The following SLC8A2 variants were observed in gnomAD, a reference collection of about 807,000 sequenced individuals.
SLC8A2 encodes the protein solute carrier family 8 member A2, also known as sodium/calcium exchanger 2.
Under a neutral mutation model 70.2 loss-of-function variants are expected in SLC8A2, and 14 were observed. That is an observed-to-expected ratio of 0.20 (90% CI 0.13 to 0.31). SLC8A2 has a LOEUF of 0.31. Ranked by LOEUF, SLC8A2 falls within the 10% of genes least tolerant of loss-of-function variation. SLC8A2 has a pLI of 1.00. For missense variants in SLC8A2, 779 were observed against 1,320.1 expected, an observed-to-expected ratio of 0.59 and a Z score of 6.35; for synonymous variants, 575 against 594.3, an observed-to-expected ratio of 0.97 and a Z score of 0.47.
At position 47,457,324 on chromosome 19, in the gene SLC8A2, T is replaced by A; in HGVS notation, c.946A>T (p.Ile316Phe). The change falls in exon 3 of 10, where the codon ATC becomes TTC. Residue 316 changes from isoleucine to phenylalanine, a missense_variant. Around this residue, in one of 6 missense-constraint regions of SLC8A2, gnomAD observed 186 missense variants for 246.6 expected, o/e 0.75. Coordinates refer to ENST00000236877, the MANE Select transcript of SLC8A2 (RefSeq NM_015063.3). The part of the protein sequence containing the change: ...RELDASRREV[I>F]QILKDLKQKH... Reference sequence around the variant, plus strand: ...TGCTTGAGGTCCTTGAGGATCTGGATGACCTCGCGGCGGCTGGCGTCCAGC... The same window carrying A: ...TGCTTGAGGTCCTTGAGGATCTGGAAGACCTCGCGGCGGCTGGCGTCCAGC... The A allele has an allele frequency of 6.5e-7, 1 of 1,543,600 alleles. No homozygotes were observed. Among genetic ancestry groups the A allele is most frequent in the Non-Finnish European group, 8.7e-7 (1 of 1,144,596 alleles).
intron 1 of SLC8A2, among the ~76,000 whole-genome samples, chr19:47,471,394 G>A (rs1967537511): frequency 6.6e-6 from 1 of 151,934 alleles, no homozygotes; most frequent in Non-Finnish European, 1.5e-5. Flanking sequence ...GAGAGACAGG[G>A]ACTCCCAGAG....
chr19:47,447,657 G>T lies in SLC8A2; in HGVS notation c.1763+152C>A. 1.0e-5 allele frequency: 8 copies of T among 762,902 alleles called. No individual in the cohort carries two copies. Among genetic ancestry groups the T allele is most frequent in the Non-Finnish European group, 1.6e-5 (8 of 506,254 alleles). 47.3% of individuals were successfully genotyped at this position (762,902 alleles called of 1,614,324 possible). Reference sequence around the variant, plus strand: ...GGTCACAGGCCCCGCCCACGTTGCGGGCACGGCCACGCAGGCCCCTCCCCT... The same window carrying T: ...GGTCACAGGCCCCGCCCACGTTGCGTGCACGGCCACGCAGGCCCCTCCCCT... On this transcript the variant is annotated intron_variant, in intron 4 of 9. Transcript: ENST00000236877. The surrounding 1 kb of genome is among the most constrained non-coding windows in gnomAD (Gnocchi z 5.1).
Position 47,430,563 on chromosome 19 carries a change from T to A in SLC8A2, c.2390-98A>T. Reference sequence around the variant, plus strand: ...CTCCCAGCCTTTCCCGGTCGCCTGCTTTCTGCGGGCAGTGTGGGCTCAAGA... The same window carrying A: ...CTCCCAGCCTTTCCCGGTCGCCTGCATTCTGCGGGCAGTGTGGGCTCAAGA... On this transcript the variant is annotated intron_variant, in intron 9 of 9. Coordinates refer to ENST00000236877, the MANE Select transcript of SLC8A2 (RefSeq NM_015063.3). This position sits in a 1 kb window ranked among gnomAD's most constrained non-coding sequence, Gnocchi z 5.9. 1 of 1,328,810 alleles carries A rather than the reference T, an allele frequency of 7.5e-7. No individual in the cohort carries two copies. Among genetic ancestry groups the A allele is most frequent in the Non-Finnish European group, 1.0e-6 (1 of 998,452 alleles). The allele number at this position is 1,328,810 out of a possible 1,614,324, so 82.3% of individuals were successfully genotyped here. A position where few individuals can be genotyped will look rare whatever the true frequency, so the allele number is the denominator to read the frequency against.
In SLC8A2 at chr19:47,432,535, TCCCA is replaced by T; in HGVS notation, c.2111-94_2111-91del. On this transcript the variant is annotated intron_variant, in intron 8 of 9. Transcript: ENST00000236877. The surrounding 1 kb of genome is among the most constrained non-coding windows in gnomAD (Gnocchi z 6.2). ...TTTTGTCTAACTTCCTGACAGCAAGTCCCATTGAATGAACTTCTTTCCCAGAATC... is the reference window on the plus strand; with the variant it reads ...TTTTGTCTAACTTCCTGACAGCAAGTTTGAATGAACTTCTTTCCCAGAATC... The T allele has an allele frequency of 1.5e-6, 2 of 1,298,056 alleles. No individual in the cohort carries two copies. The highest frequency in any genetic ancestry group is 2.1e-6 in the Non-Finnish European group (2 of 953,560). The allele number at this position is 1,298,056 out of a possible 1,614,324, so 80.4% of individuals were successfully genotyped here.
At chr19:47,470,948 G>A (rs1757253325) in intron 1 of SLC8A2, among the ~76,000 whole-genome samples, 2 of 151,990 alleles carry the variant, frequency 1.3e-5, no homozygotes, top group Non-Finnish European at 1.5e-5. Flanking sequence ...AGGCCTGGGG[G>A]AGCCCACTCT....
intron 3 of SLC8A2, 151 bp downstream of exon 3, chr19:47,456,779 C>T (rs1967308251): frequency 3.5e-6 from 3 of 858,618 alleles, no homozygotes; most frequent in Middle Eastern, 3.5e-4. Flanking sequence ...GCGCCTGGCA[C>T]AAAGCAGGCT....
intron 3 of SLC8A2, among the ~76,000 whole-genome samples, chr19:47,454,104 C>T (rs760831986): frequency 1.3e-5 from 2 of 151,966 alleles, no homozygotes; most frequent in Non-Finnish European, 2.9e-5. Context: ...TGTGATTGTG[C>T]CACTGCACTC....
At chr19:47,469,394 A>G (rs1967504916) in intron 1 of SLC8A2, among the ~76,000 whole-genome samples, 1 of 152,014 alleles carries the variant, frequency 6.6e-6, no homozygotes, top group Non-Finnish European at 1.5e-5. Context: ...GCATCAAACC[A>G]AACCCCGCTC....
chr19:47,459,579 C>CGT (rs536605088), intron 2 of SLC8A2, among the ~76,000 whole-genome samples: 1 of 150,964 alleles, frequency 6.6e-6, no homozygotes, highest in African/African-American at 2.4e-5. Context: ...TGTGTATGTG[C>CGT]GTGTGTGTGT....
chr19:47,462,839 C>A (rs1455112490), intron 2 of SLC8A2, among the ~76,000 whole-genome samples: 1 of 152,156 alleles, frequency 6.6e-6, no homozygotes, highest in Non-Finnish European at 1.5e-5. Context: ...CCATCCACTT[C>A]GACCTCCCAA....
At chr19:47,461,825 G>C (rs1967398887) in intron 2 of SLC8A2, among the ~76,000 whole-genome samples, 1 of 152,240 alleles carries the variant, frequency 6.6e-6, no homozygotes, top group African/African-American at 2.4e-5. Context: ...TCAATAAAAA[G>C]TGATTCTAGC....
At chr19:47,458,905 CCT>C (rs1323358947) in intron 2 of SLC8A2, among the ~76,000 whole-genome samples, 1 of 150,704 alleles carries the variant, frequency 6.6e-6, no homozygotes, top group African/African-American at 2.4e-5. Flanking sequence ...CTCTCTCTCT[CCT>C]TTCTCCCACC....
chr19:47,437,767 C>T lies in SLC8A2; in HGVS notation c.2010+82G>A, dbSNP rs934069287. The T allele has an allele frequency of 1.7e-4, 270 of 1,552,780 alleles. 1 individual carries two copies. The highest frequency in any genetic ancestry group is 1.6e-3 in the South Asian group (140 of 89,246). On this transcript the variant is annotated intron_variant, in intron 7 of 9. Transcript: ENST00000236877. Reference sequence around the variant, plus strand: ...CCTTCTTTGGCTTGATCTTAGGAACCTTGTGGCTCCCCGCTTTCCGGACCC... The same window carrying T: ...CCTTCTTTGGCTTGATCTTAGGAACTTTGTGGCTCCCCGCTTTCCGGACCC...
chr19:47,454,289 T>C (rs1967277790), intron 3 of SLC8A2, among the ~76,000 whole-genome samples: 1 of 151,428 alleles, frequency 6.6e-6, no homozygotes, highest in African/African-American at 2.4e-5. Flanking sequence ...CAGGGGTGGG[T>C]AGGAGTGGAA....
chr19:47,441,174 T>G lies in SLC8A2; in HGVS notation c.1880A>C (p.Asn627Thr). 1 of 1,613,858 alleles carries G rather than the reference T, an allele frequency of 6.2e-7. No individual in the cohort carries two copies. The highest frequency in any genetic ancestry group is 1.3e-5 in the African/African-American group (1 of 75,002). Residue 627 changes from asparagine (N) to threonine (T), a missense_variant, in exon 6 of 10, where the codon AAT becomes ACT. Physicochemically the swap from Asn to Thr is moderately conservative, Grantham distance 65 (BLOSUM62 0). Transcript: ENST00000236877. ...CCAGAGGTGACTTCACTCACCTTGA[T>G]TGAGTAGCAGAGCTGGGGAGAGACA... ...LKRGISALLL[N>T]QGDGDRKLTA...
chr19:47,457,712 C>CA (rs1967326461), intron 2 of SLC8A2, 118 bp from the exon 3 acceptor site: 1 of 555,782 alleles, frequency 1.8e-6, no homozygotes, highest in African/African-American at 2.0e-5. Context: ...CCCCCAACCC[C>CA]GCCCCGTCGT....
chr19:47,465,034 A>G lies in SLC8A2; in HGVS notation c.675+695T>C, dbSNP rs1967440391. ...TATTGATGTTGGGTTGGATGGGAGT[A>G]TACATTACACTGAAGTGGCATAAAT... On this transcript the variant is annotated intron_variant, in intron 2 of 9. Transcript: ENST00000236877. This position sits in a 1 kb window ranked among gnomAD's most constrained non-coding sequence, Gnocchi z 5.5. Among the ~76,000 whole-genome samples the G allele has an allele frequency of 6.6e-6, 1 of 152,238 alleles. No individual in the cohort carries two copies. Among genetic ancestry groups the G allele is most frequent in the African/African-American group, 2.4e-5 (1 of 41,454 alleles).
chr19:47,436,225 T>A (rs549758253), intron 8 of SLC8A2, among the ~76,000 whole-genome samples: 11 of 152,102 alleles, frequency 7.2e-5, no homozygotes, highest in Non-Finnish European at 1.0e-4. Context: ...CAGGAAGCCC[T>A]CCCTGACTTT....
intron 3 of SLC8A2, among the ~76,000 whole-genome samples, chr19:47,449,900 G>C (rs765208656): frequency 2.0e-5 from 3 of 152,104 alleles, no homozygotes; most frequent in African/African-American, 7.2e-5. Flanking sequence ...GCTTCGTTCC[G>C]AGCAGAGGAG....
Sources: gnomAD v4.1 joint callset for allele counts (sites outside exome capture counted in the v4.1 genomes callset) on GRCh38, gnomAD v4.1.1 for gene constraint, gnomAD v4.1.1 regional missense constraint, Gnocchi (gnomAD v3.1) non-coding constraint, MANE v1.5 for transcripts, NCBI Gene and HGNC (gene_info 2026-07-23, HGNC 2026-07-21) for gene names.